The following GNL1 variants were observed in gnomAD, a reference collection of about 807,000 sequenced individuals.
GNL1 encodes G protein nucleolar 1.
A neutral mutation model predicts 75.2 loss-of-function variants in GNL1; 21 were observed. That is an observed-to-expected ratio of 0.28 (90% confidence interval 0.20 to 0.40). The LOEUF is 0.40. GNL1 is among the 10% of genes least tolerant of loss of function. GNL1 has a pLI of 1.00. For missense variants in GNL1, 579 were observed against 775.0 expected (o/e 0.75, Z 3.00); for synonymous variants, 287 against 303.4 (o/e 0.95, Z 0.56).
chr6:30,556,213 C>A lies in GNL1; in HGVS notation c.-10G>T, dbSNP rs1322575912. ...GCTTCTTCCTCGGCATGGCCCGGAC[C>A]AGTCACCTGGCCCGCCCTCCGCCGA... On this transcript the variant is annotated 5_prime_UTR_variant, in exon 1 of 12. Coordinates refer to ENST00000376621, the MANE Select transcript of GNL1 (RefSeq NM_005275.5). This position sits in a 1 kb window ranked among gnomAD's most constrained non-coding sequence, Gnocchi z 5.7. 1 of 1,602,906 alleles carries A rather than the reference C, an allele frequency of 6.2e-7. No individual in the cohort carries two copies. Among genetic ancestry groups the A allele is most frequent in the Admixed American group, 1.7e-5 (1 of 60,030 alleles).
Position 30,553,195 on chromosome 6 carries a change from A to G in GNL1, c.809-16T>C. ...TTCTTCAAGACTGAGATCAGAGGGC[A>G]CAAAAGGATGGGCACACGGGCTTAG... On this transcript the variant is annotated splice_polypyrimidine_tract_variant and intron_variant, in intron 6 of 11. Transcript: ENST00000376621. 1 of 1,588,956 alleles carries G rather than the reference A, an allele frequency of 6.3e-7. No homozygotes were observed. Among genetic ancestry groups the G allele is most frequent in the Non-Finnish European group, 8.6e-7 (1 of 1,157,134 alleles).
At position 30,555,754 on chromosome 6, in the gene GNL1, C is replaced by T. The variant is rs765587856; in HGVS notation, c.74-34G>A. ...AGGGGCCGGTGACGCCAGTGCTGGCCAGCTCTCAGGGGCCATAAGACCCTC... is the reference window on the plus strand; with the variant it reads ...AGGGGCCGGTGACGCCAGTGCTGGCTAGCTCTCAGGGGCCATAAGACCCTC... On this transcript the variant is annotated intron_variant, in intron 1 of 11. Coordinates refer to ENST00000376621, the MANE Select transcript of GNL1 (RefSeq NM_005275.5). The surrounding 1 kb of genome is among the most constrained non-coding windows in gnomAD (Gnocchi z 4.3). 3 of 1,608,240 alleles carry T rather than the reference C, an allele frequency of 1.9e-6. No individual in the cohort carries two copies. Among genetic ancestry groups the T allele is most frequent in the Non-Finnish European group, 2.5e-6 (3 of 1,176,700 alleles).
Position 30,552,408 on chromosome 6 carries a change from G to A in GNL1, c.1099+59C>T, listed in dbSNP as rs577339518. The stretch of plus-strand genomic sequence containing the variant: ...GACCTGATCGCCCTCTCTCTTCTCC[G>A]AATATGAAAACTCTGTACCTCCTTG... On this transcript the variant is annotated intron_variant, in intron 8 of 11. Coordinates refer to ENST00000376621, the MANE Select transcript of GNL1 (RefSeq NM_005275.5). This position sits in a 1 kb window ranked among gnomAD's most constrained non-coding sequence, Gnocchi z 4.5. 1.8e-5 allele frequency: 26 copies of A among 1,420,532 alleles called. No homozygotes were observed. The East Asian group carries it at 2.1e-4, about 11-fold the overall frequency. 88.0% of individuals were successfully genotyped at this position (1,420,532 alleles called of 1,614,324 possible).
chr6:30,553,578 G>A (rs150051435), intron 5 of GNL1, 21 bp from the exon 6 acceptor site: 2 of 1,565,544 alleles, frequency 1.3e-6, no homozygotes, highest in Non-Finnish European at 1.8e-6. Context: ...GTTGATAAGA[G>A]GATGGAGCAG....
At position 30,555,213 on chromosome 6, in the gene GNL1, C is replaced by T; in HGVS notation, c.240-22G>A. 6.2e-7 allele frequency: 1 copy of T among 1,612,950 alleles called. No individual in the cohort carries two copies. Among genetic ancestry groups the T allele is most frequent in the South Asian group, 1.1e-5 (1 of 91,080 alleles). The stretch of plus-strand genomic sequence containing the variant: ...GTATCTAAGGGAACAGGGACCGAGA[C>T]ATCCAGAGCAATCCTGTGGCCACAA... On this transcript the variant is annotated intron_variant, in intron 2 of 11. Transcript: ENST00000376621. The surrounding 1 kb of genome is among the most constrained non-coding windows in gnomAD (Gnocchi z 4.3).
In GNL1 at chr6:30,543,791, C is replaced by A. The variant is rs561666804; in HGVS notation, c.*2281G>T. 17 of 152,210 alleles carry A rather than the reference C, an allele frequency of 1.1e-4. No homozygotes were observed. The highest frequency in any genetic ancestry group is 1.0e-3 in the Admixed American group (16 of 15,292). 9.4% of individuals were successfully genotyped at this position (152,210 alleles called of 1,614,324 possible). A position where few individuals can be genotyped will look rare whatever the true frequency, so the allele number is the denominator to read the frequency against. On this transcript the variant is annotated 3_prime_UTR_variant, in exon 12 of 12. Coordinates refer to ENST00000376621, the MANE Select transcript of GNL1 (RefSeq NM_005275.5). ...ACTATCCTGGACCACACACAGCTAC[C>A]CTGTTCCAGAAGCAGGACTATAATC...
chr6:30,556,090 G>T lies in GNL1; in HGVS notation c.73+41C>A. 6.3e-7 allele frequency: 1 copy of T among 1,593,202 alleles called. No individual in the cohort carries two copies. On this transcript the variant is annotated intron_variant, in intron 1 of 11. Coordinates refer to ENST00000376621, the MANE Select transcript of GNL1 (RefSeq NM_005275.5). The surrounding 1 kb of genome is among the most constrained non-coding windows in gnomAD (Gnocchi z 5.7). ...GCACACCCCTCCTTCCAGATGTGCG[G>T]AAGCCCGAGCCCCGCCCCCTCCTCC...
In GNL1 at chr6:30,546,813, T is replaced by G; in HGVS notation, c.1465A>C (p.Lys489Gln). Residue 489 changes from lysine to glutamine, a missense_variant, in exon 11 of 12, where the codon AAG becomes CAG. Lys to Gln is a moderately conservative substitution (Grantham distance 53). Transcript: ENST00000376621. The surrounding 1 kb of genome is among the most constrained non-coding windows in gnomAD (Gnocchi z 5.1). Reference sequence around the variant, plus strand: ...TCATTCCGAGCCGCCTTGGCTGTCTTGTAACCACGTTTCTCTGCCCAGGCT... The same window carrying G: ...TCATTCCGAGCCGCCTTGGCTGTCTGGTAACCACGTTTCTCTGCCCAGGCT... ...CEAWAEKRGY[K>Q]TAKAARNDVY... 1 of 1,591,748 alleles carries G rather than the reference T, an allele frequency of 6.3e-7. No individual in the cohort carries two copies. The highest frequency in any genetic ancestry group is 8.6e-7 in the Non-Finnish European group (1 of 1,164,362).
At position 30,547,495 on chromosome 6, in the gene GNL1, C is replaced by T. The variant is rs1290774046; in HGVS notation, c.1135G>A (p.Gly379Arg). The change falls in exon 9 of 12, where the codon GGG (glycine) becomes AGG (arginine). Residue 379 changes from glycine (G) to arginine (R), a missense_variant. Physicochemically the swap from Gly to Arg is moderately radical, Grantham distance 125. Transcript: ENST00000376621. This position sits in a 1 kb window ranked among gnomAD's most constrained non-coding sequence, Gnocchi z 5.5. ...CTCACGACTTTCCGCCCCACCAGCC[C>T]ATTGATCAGCGAGGACTTTCCCACA... ...PNVGKSSLIN[G>R]LVGRKVVSVS... 1.2e-6 allele frequency: 2 copies of T among 1,611,882 alleles called. No individual in the cohort carries two copies. Among genetic ancestry groups the T allele is most frequent in the Non-Finnish European group, 1.7e-6 (2 of 1,179,416 alleles).
rs780080776 is a variant in GNL1 at position 30,543,681 on chromosome 6, A to G, written c.*2391T>C. On this transcript the variant is annotated 3_prime_UTR_variant, in exon 12 of 12. Coordinates refer to ENST00000376621, the MANE Select transcript of GNL1 (RefSeq NM_005275.5). ...GGTTATTGTCCCAGAACTCAGGGAT[A>G]TATGTCTGGCATATATTGTTTTTAA... 6.6e-6 allele frequency: 1 copy of G among 152,212 alleles called. No individual in the cohort carries two copies. The highest frequency in any genetic ancestry group is 1.5e-5 in the Non-Finnish European group (1 of 68,052). 9.4% of individuals were successfully genotyped at this position (152,212 alleles called of 1,614,324 possible). A position where few individuals can be genotyped will look rare whatever the true frequency, so the allele number is the denominator to read the frequency against.
rs1260443790 is a variant in GNL1 at position 30,548,582 on chromosome 6, C to A, written c.1100-1052G>T. Among the ~76,000 whole-genome samples the A allele has an allele frequency of 1.3e-5, 2 of 152,194 alleles. No homozygotes were observed. The highest frequency in any genetic ancestry group is 2.9e-5 in the Non-Finnish European group (2 of 68,040). Reference sequence around the variant, plus strand: ...ATCCAGCTCCTCAGCCAGGCCCGTTCACAGACCTGGAACTCCCTGGTCCCA... The same window carrying A: ...ATCCAGCTCCTCAGCCAGGCCCGTTAACAGACCTGGAACTCCCTGGTCCCA... On this transcript the variant is annotated intron_variant, in intron 8 of 11. Transcript: ENST00000376621. The surrounding 1 kb of genome is among the most constrained non-coding windows in gnomAD (Gnocchi z 4.2).
chr6:30,553,413 G>A lies in GNL1; in HGVS notation c.745C>T (p.Leu249Phe). 1 of 1,612,928 alleles carries A rather than the reference G, an allele frequency of 6.2e-7. No homozygotes were observed. The highest frequency in any genetic ancestry group is 8.5e-7 in the Non-Finnish European group (1 of 1,180,022). The change falls in exon 6 of 12, where the codon CTC becomes TTC. Residue 249 changes from leucine to phenylalanine, a missense_variant. Coordinates refer to ENST00000376621, the MANE Select transcript of GNL1 (RefSeq NM_005275.5). ...AAAGAGGTGAAAAGGACGACGTGGA[G>A]CTGGGGATAGTGTTGATGGAAATAA... is the stretch of plus-strand genomic sequence containing the variant. ...KHYFHQHYPQ[L>F]HVVLFTSFPR...
In GNL1 at chr6:30,555,733, G is replaced by GC; in HGVS notation, c.74-14dup. ...CCATCTTGAAGCCCTGCGGGGAGGG[G>GC]CCGGTGACGCCAGTGCTGGCCAGCT... On this transcript the variant is annotated splice_polypyrimidine_tract_variant and intron_variant, in intron 1 of 11. Transcript: ENST00000376621. This position sits in a 1 kb window ranked among gnomAD's most constrained non-coding sequence, Gnocchi z 4.3. 6.2e-7 allele frequency: 1 copy of GC among 1,612,400 alleles called. No individual in the cohort carries two copies. Among genetic ancestry groups the GC allele is most frequent in the Non-Finnish European group, 8.5e-7 (1 of 1,179,430 alleles).
rs1342015265 is a variant in GNL1 at position 30,543,591 on chromosome 6, ATATTAT to A, written c.*2475_*2480del. ...CATACTGCTATAGAGCTATTGTATT[ATATTAT>A]TATTATTCTATTCCTACCCTCTATT... On this transcript the variant is annotated 3_prime_UTR_variant, in exon 12 of 12. Coordinates refer to ENST00000376621, the MANE Select transcript of GNL1 (RefSeq NM_005275.5). The A allele has an allele frequency of 6.6e-6, 1 of 152,138 alleles. No homozygotes were observed. Among genetic ancestry groups the A allele is most frequent in the East Asian group, 1.9e-4 (1 of 5,196 alleles). 9.4% of individuals were successfully genotyped at this position (152,138 alleles called of 1,614,324 possible).
At position 30,556,387 on chromosome 6, in the gene GNL1, T is replaced by C; in HGVS notation, c.-184A>G. 3.1e-6 allele frequency: 2 copies of C among 641,216 alleles called. No individual in the cohort carries two copies. The highest frequency in any genetic ancestry group is 5.4e-6 in the Non-Finnish European group (2 of 368,884). 39.7% of individuals were successfully genotyped at this position (641,216 alleles called of 1,614,324 possible). ...GGCGATGGAAGGCGGACGGGGGAGA[T>C]ATAGTCACTTCCCTCCAGGAGCGAG... On this transcript the variant is annotated 5_prime_UTR_variant, in exon 1 of 12. It adds an upstream start codon to the 5' untranslated region. Transcript: ENST00000376621. The surrounding 1 kb of genome is among the most constrained non-coding windows in gnomAD (Gnocchi z 5.7).
In GNL1 at chr6:30,553,412, A is replaced by G; in HGVS notation, c.746T>C (p.Leu249Pro). 2 of 1,612,900 alleles carry G rather than the reference A, an allele frequency of 1.2e-6. No individual in the cohort carries two copies. The highest frequency in any genetic ancestry group is 1.7e-6 in the Non-Finnish European group (2 of 1,180,022). ...AAAAGAGGTGAAAAGGACGACGTGG[A>G]GCTGGGGATAGTGTTGATGGAAATA... ...KHYFHQHYPQLHVVLFTSFPR... is the reference protein window; with the variant it reads ...KHYFHQHYPQPHVVLFTSFPR... Residue 249 changes from leucine to proline, a missense_variant, in exon 6 of 12, where the codon CTC becomes CCC. Transcript: ENST00000376621.
rs577025043 is a variant in GNL1, at chr6:30,552,930, C to T, written c.904+154G>A. On this transcript the variant is annotated intron_variant, in intron 7 of 11. Transcript: ENST00000376621. This position sits in a 1 kb window ranked among gnomAD's most constrained non-coding sequence, Gnocchi z 4.5. ...CCTGACTACCTGCTGCCTCTCGTCC[C>T]ACCAAGTCAGTCTGCTCCTTATTCT... Among the ~76,000 whole-genome samples the T allele has an allele frequency of 6.0e-4, 91 of 152,356 alleles. 1 individual carries two copies. Among genetic ancestry groups the T allele is most frequent in the African/African-American group, 2.1e-3 (86 of 41,574 alleles).
rs1355776111 is a variant in GNL1 at position 30,552,771 on chromosome 6, A to G, written c.905-110T>C. The G allele has an allele frequency of 1.1e-6, 1 of 949,670 alleles. No individual in the cohort carries two copies. Among genetic ancestry groups the G allele is most frequent in the Admixed American group, 2.7e-5 (1 of 37,210 alleles). The allele number at this position is 949,670 out of a possible 1,614,324, so 58.8% of individuals were successfully genotyped here. A position where few individuals can be genotyped will look rare whatever the true frequency, so the allele number is the denominator to read the frequency against. On this transcript the variant is annotated intron_variant, in intron 7 of 11. Transcript: ENST00000376621. The surrounding 1 kb of genome is among the most constrained non-coding windows in gnomAD (Gnocchi z 4.5). ...TAACTGGCACCCTCTGGAGTTGTAC[A>G]GTGCCAACCTAAATAAGAGCAGGTC...
At position 30,554,590 on chromosome 6, in the gene GNL1, A is replaced by G. The variant is rs1393960307; in HGVS notation, c.585T>C (p.Thr195=). Residue 195 remains threonine, a synonymous_variant, in exon 5 of 12, where the codon ACT becomes ACC. Transcript: ENST00000376621. ...TAGTACTCACTGGATGTCGGATATC[A>G]GTGATAAGCAGGACGATGTCAGACA... ...LEMSDIVLLI[T]DIRHPVVNFP... 1.6e-5 allele frequency: 26 copies of G among 1,595,470 alleles called. No individual in the cohort carries two copies. Among genetic ancestry groups the G allele is most frequent in the Non-Finnish European group, 2.2e-5 (26 of 1,164,168 alleles).
Sources: gnomAD v4.1 joint callset for allele counts (sites outside exome capture counted in the v4.1 genomes callset) on GRCh38, gnomAD v4.1.1 for gene constraint, Gnocchi (gnomAD v3.1) non-coding constraint, MANE v1.5 for transcripts, NCBI Gene and HGNC (gene_info 2026-07-23, HGNC 2026-07-21) for gene names.